Variants in PDE10A observed in about 807,000 individuals in gnomAD.
The protein encoded by PDE10A is cAMP and cAMP-inhibited cGMP 3',5'-cyclic phosphodiesterase 10A.
PDE10A carries 39 observed loss-of-function variants against 97.7 expected under a neutral mutation model. That is an observed-to-expected ratio of 0.40 (90% CI 0.31 to 0.52). The LOEUF (loss-of-function observed/expected upper bound fraction) is 0.52, where lower values mean the gene tolerates loss of function less well. Among genes scored for constraint, PDE10A ranks in the 20% least tolerant of loss-of-function variants. The pLI, the probability that PDE10A is intolerant of heterozygous loss-of-function variation, is 0.56. For missense variants in PDE10A, 731 were observed against 1,047.8 expected (o/e 0.70, Z 4.17); for synonymous variants, 371 against 376.8 (o/e 0.98, Z 0.18).
chr6:165,967,257 G>A lies in PDE10A; in HGVS notation c.-615+20272C>T, dbSNP rs557856202. Among the ~76,000 whole-genome samples the A allele has an allele frequency of 2.0e-5, 3 of 152,328 alleles. No individual in the cohort carries two copies. The East Asian group carries it at 5.8e-4, about 29-fold the overall frequency. On this transcript the variant is annotated intron_variant, in intron 1 of 19. Coordinates refer to the PDE10A transcript ENST00000366882. The stretch of plus-strand genomic sequence containing the variant: ...TTCACGCCTGTAATCTTAACTTTGG[G>A]AGGCCGAGGCAGGCAGATCACCTGA...
At chr6:165,445,644 A>C (rs569799599) in intron 5 of PDE10A, among the ~76,000 whole-genome samples, 5 of 152,362 alleles carry the variant, frequency 3.3e-5, no homozygotes, top group African/African-American at 1.2e-4. Context: ...GAGGGAAAAT[A>C]ACAATCTCCT....
At chr6:165,905,047 T>C (rs1042923398) in intron 1 of PDE10A, among the ~76,000 whole-genome samples, 2 of 152,350 alleles carry the variant, frequency 1.3e-5, no homozygotes, top group Middle Eastern at 3.4e-3. Flanking sequence ...TAATAGAATA[T>C]GTTATTTACT....
intron 15 of PDE10A, among the ~76,000 whole-genome samples, chr6:165,393,990 G>A (rs146410433): frequency 2.0e-5 from 3 of 152,004 alleles, no homozygotes; most frequent in Admixed American, 6.6e-5. Flanking sequence ...GTTTCTTTTC[G>A]ATCTATTCTA....
intron 1 of PDE10A, among the ~76,000 whole-genome samples, chr6:165,924,523 C>A (rs894010082): frequency 2.6e-5 from 4 of 152,094 alleles, no homozygotes; most frequent in African/African-American, 9.7e-5. Context: ...TAGAAGATCT[C>A]CCTCTGTGGT....
chr6:165,622,352 G>C (rs1788183955), intron 1 of PDE10A, among the ~76,000 whole-genome samples: 1 of 152,008 alleles, frequency 6.6e-6, no homozygotes, highest in Admixed American at 6.6e-5. Context: ...TTGCTAGTTG[G>C]TTTCATTGTT....
At chr6:165,615,674 TAA>T (rs1787696251) in intron 1 of PDE10A, among the ~76,000 whole-genome samples, 1 of 152,238 alleles carries the variant, frequency 6.6e-6, no homozygotes, top group South Asian at 2.1e-4. Flanking sequence ...TCCATAATAA[TAA>T]GTTATTTGGT....
chr6:165,424,039 G>A (rs895176495), intron 10 of PDE10A, among the ~76,000 whole-genome samples: 3 of 151,950 alleles, frequency 2.0e-5, no homozygotes, highest in Non-Finnish European at 4.4e-5. Context: ...CTCCCTCCCA[G>A]GCCTGGGTGA....
At chr6:165,537,976 A>G (rs1221046572) in intron 2 of PDE10A, among the ~76,000 whole-genome samples, 3 of 151,914 alleles carry the variant, frequency 2.0e-5, no homozygotes, top group Non-Finnish European at 4.4e-5. Context: ...ACCTTCCAAC[A>G]CCGAATGTTT....
At chr6:165,892,688 T>C (rs1014090543) in intron 1 of PDE10A, among the ~76,000 whole-genome samples, 2 of 152,176 alleles carry the variant, frequency 1.3e-5, no homozygotes, top group African/African-American at 4.8e-5. Context: ...TGACCCATCA[T>C]CACCTTTGCT....
At chr6:165,690,788 T>C (rs1274747230) in intron 1 of PDE10A, among the ~76,000 whole-genome samples, 1 of 152,224 alleles carries the variant, frequency 6.6e-6, no homozygotes, top group Non-Finnish European at 1.5e-5. Context: ...ATTTCATGTG[T>C]TAACTTGACT....
chr6:165,704,131 G>C (rs968347546), intron 1 of PDE10A, among the ~76,000 whole-genome samples: 4 of 152,184 alleles, frequency 2.6e-5, no homozygotes, highest in Non-Finnish European at 5.9e-5. Context: ...ATACGTTTGG[G>C]AACTGGCTCA....
chr6:165,957,769 G>A (rs1453072556), intron 1 of PDE10A, among the ~76,000 whole-genome samples: 1 of 152,176 alleles, frequency 6.6e-6, no homozygotes, highest in Admixed American at 6.5e-5. Context: ...ATATTTGGAA[G>A]GAGGCAGAAA....
chr6:165,450,174 G>C lies in PDE10A; in HGVS notation c.1144+68C>G. Reference sequence around the variant, plus strand: ...ACTTTCATCTGCCTCTTAGTAAGTAGTTTTTGCTGCTTTTTGTAAAAGAAT... The same window carrying C: ...ACTTTCATCTGCCTCTTAGTAAGTACTTTTTGCTGCTTTTTGTAAAAGAAT... On this transcript the variant is annotated intron_variant, in intron 4 of 21. Transcript: ENST00000539869. The C allele has an allele frequency of 1.5e-5, 17 of 1,163,408 alleles. 1 individual carries two copies. In the South Asian group the frequency reaches 3.3e-4, roughly 22 times the overall value. The allele number at this position is 1,163,408 out of a possible 1,614,324, so 72.1% of individuals were successfully genotyped here. A position where few individuals can be genotyped will look rare whatever the true frequency, so the allele number is the denominator to read the frequency against.
At chr6:165,794,223 A>G (rs1778753846) in intron 1 of PDE10A, among the ~76,000 whole-genome samples, 3 of 150,262 alleles carry the variant, frequency 2.0e-5, no homozygotes, top group Middle Eastern at 6.9e-3. Flanking sequence ...TCACACAATC[A>G]TACACTCCCT....
At chr6:165,890,808 G>A (rs1482553699) in intron 1 of PDE10A, among the ~76,000 whole-genome samples, 2 of 152,196 alleles carry the variant, frequency 1.3e-5, no homozygotes, top group Non-Finnish European at 2.9e-5. Context: ...GAAGCGAAGA[G>A]CTGTTCTAAC....
At chr6:165,954,631 GT>G (rs1013022740) in intron 1 of PDE10A, among the ~76,000 whole-genome samples, 10 of 152,280 alleles carry the variant, frequency 6.6e-5, no homozygotes, top group African/African-American at 2.2e-4. Flanking sequence ...CTCACCACCT[GT>G]GCCGACTCCA....
At chr6:165,372,289 T>C (rs2128202458) in intron 18 of PDE10A, among the ~76,000 whole-genome samples, 1 of 150,862 alleles carries the variant, frequency 6.6e-6, no homozygotes, top group Middle Eastern at 3.4e-3. Context: ...AATCAAATTG[T>C]CCCTGTTTGC....
intron 2 of PDE10A, among the ~76,000 whole-genome samples, chr6:165,509,912 CTT>C (rs1337930714): frequency 6.6e-6 from 1 of 151,816 alleles, no homozygotes; most frequent in Non-Finnish European, 1.5e-5. Context: ...ACACTGCTGA[CTT>C]TTTGATTTTG....
chr6:165,565,531 A>C (rs1019950620), intron 1 of PDE10A, among the ~76,000 whole-genome samples: 1 of 152,180 alleles, frequency 6.6e-6, no homozygotes, highest in Non-Finnish European at 1.5e-5. Context: ...CACTCAGTGC[A>C]ATCAAAATAG....
Sources: allele counts gnomAD v4.1 joint callset (sites outside exome capture counted in the v4.1 genomes callset), GRCh38; gene constraint gnomAD v4.1.1; transcripts MANE v1.5; gene names NCBI Gene and HGNC (gene_info 2026-07-23, HGNC 2026-07-21).